Variants in SRD5A1 observed in about 807,000 individuals in gnomAD.
SRD5A1 encodes the protein steroid 5 alpha-reductase 1.
Under a neutral mutation model 28.2 loss-of-function variants are expected in SRD5A1, and 22 were observed. The ratio of observed to expected loss-of-function variants is 0.78; its 90% CI spans 0.56 to 1.12. SRD5A1 has a LOEUF of 1.12. SRD5A1 is among the 50% of genes most tolerant of loss of function. The pLI is 0.00. For synonymous variants in SRD5A1, 151 were observed against 135.0 expected (o/e 1.12, Z -0.82); for missense variants, 300 against 346.7 (o/e 0.87, Z 1.07).
intron 3 of SRD5A1, among the ~76,000 whole-genome samples, chr5:6,661,762 A>C (rs1739009521): frequency 6.6e-6 from 1 of 151,764 alleles, no homozygotes; most frequent in Non-Finnish European, 1.5e-5. Flanking sequence ...CCAACTCCTG[A>C]CCTCACATGA....
chr5:6,665,223 G>C (rs1463479321), intron 4 of SRD5A1, among the ~76,000 whole-genome samples: 1 of 152,220 alleles, frequency 6.6e-6, no homozygotes, highest in Non-Finnish European at 1.5e-5. Flanking sequence ...GGGGAAATGG[G>C]ACTGGAACCT....
chr5:6,641,677 C>T (rs1244525891), intron 1 of SRD5A1, among the ~76,000 whole-genome samples: 1 of 152,218 alleles, frequency 6.6e-6, no homozygotes, highest in African/African-American at 2.4e-5. Context: ...TTGTAAGGCT[C>T]GGTTTCCAGT....
At chr5:6,651,743 A>C (rs1043944279) in intron 1 of SRD5A1, 99 bp from the exon 2 acceptor site, 1 of 1,138,860 alleles carries the variant, frequency 8.8e-7, no homozygotes, top group African/African-American at 1.6e-5. Context: ...ACATTTGTAC[A>C]AGAAAGTAAG....
intron 1 of SRD5A1, among the ~76,000 whole-genome samples, chr5:6,651,606 G>A (rs996669497): frequency 5.9e-5 from 9 of 152,162 alleles, no homozygotes; most frequent in Non-Finnish European, 1.3e-4. Flanking sequence ...GCCGCAGTGA[G>A]CCATGATCAA....
At chr5:6,636,350 C>T (rs373169313) in intron 1 of SRD5A1, among the ~76,000 whole-genome samples, 3 of 152,228 alleles carry the variant, frequency 2.0e-5, no homozygotes, top group East Asian at 3.9e-4. Context: ...GAACACCACA[C>T]CCGGTGAGAG....
intron 4 of SRD5A1, among the ~76,000 whole-genome samples, chr5:6,665,163 C>T (rs944817813): frequency 2.0e-5 from 3 of 152,170 alleles, no homozygotes; most frequent in African/African-American, 4.8e-5. Context: ...GACACAGAGG[C>T]GGGGGCGATG....
chr5:6,651,601 A>G (rs939543558), intron 1 of SRD5A1, among the ~76,000 whole-genome samples: 4 of 152,218 alleles, frequency 2.6e-5, no homozygotes, highest in African/African-American at 9.6e-5. Context: ...TCAAGGCCGC[A>G]GTGAGCCATG....
rs950800767 is a variant in SRD5A1 at position 6,672,626 on chromosome 5, A to G, written c.*4358A>G. 2.0e-5 allele frequency: 3 copies of G among 152,166 alleles called. No homozygotes were observed. The highest frequency in any genetic ancestry group is 7.2e-5 in the African/African-American group (3 of 41,408). The allele number at this position is 152,166 out of a possible 1,614,324, so 9.4% of individuals were successfully genotyped here. A position where few individuals can be genotyped will look rare whatever the true frequency, so the allele number is the denominator to read the frequency against. On this transcript the variant is annotated 3_prime_UTR_variant, in exon 5 of 5. Coordinates refer to ENST00000274192, the MANE Select transcript of SRD5A1 (RefSeq NM_001047.4). ...GTTGGCTATCCCTGCTGTTGTCTAT[A>G]TATCAATTTTGTCTACCCAACACAG... is the stretch of plus-strand genomic sequence containing the variant.
At chr5:6,649,679 A>G (rs1738608544) in intron 1 of SRD5A1, among the ~76,000 whole-genome samples, 1 of 152,214 alleles carries the variant, frequency 6.6e-6, no homozygotes, top group African/African-American at 2.4e-5. Flanking sequence ...TCCCTTGGCT[A>G]GGAAAGGGAA....
chr5:6,644,529 T>G (rs1034014026), intron 1 of SRD5A1, among the ~76,000 whole-genome samples: 1 of 152,154 alleles, frequency 6.6e-6, no homozygotes, highest in Non-Finnish European at 1.5e-5. Flanking sequence ...CTTTGCCGCA[T>G]TGAGAATCTC....
intron 1 of SRD5A1, among the ~76,000 whole-genome samples, chr5:6,636,406 G>A (rs1161837512): frequency 6.6e-6 from 1 of 152,214 alleles, no homozygotes; most frequent in South Asian, 2.1e-4. Flanking sequence ...CAGGAGAAAA[G>A]TGAGCCTGAG....
At chr5:6,638,935 C>T (rs1738280782) in intron 1 of SRD5A1, among the ~76,000 whole-genome samples, 1 of 152,240 alleles carries the variant, frequency 6.6e-6, no homozygotes, top group African/African-American at 2.4e-5. Context: ...TAACCACTCT[C>T]AGTTTTAAAC....
chr5:6,659,854 T>C (rs191095491), intron 3 of SRD5A1, among the ~76,000 whole-genome samples: 1 of 152,288 alleles, frequency 6.6e-6, no homozygotes, highest in East Asian at 1.9e-4. Flanking sequence ...CTGTGCCCCA[T>C]GAAGACTCCA....
rs375455954 is a variant in SRD5A1 at position 6,648,738 on chromosome 5, T to C, written c.294-3104T>C. Among the ~76,000 whole-genome samples the C allele has an allele frequency of 7.0e-4, 106 of 152,340 alleles. 1 individual carries two copies. The South Asian group carries it at 0.022, about 31-fold the overall frequency. On this transcript the variant is annotated intron_variant, in intron 1 of 4. Coordinates refer to ENST00000274192, the MANE Select transcript of SRD5A1 (RefSeq NM_001047.4). ...CCTTTGGCTCAGAGGAGTTTGTTAT[T>C]ACCCGCCTTCTGAAGCCTACTTCTG...
At chr5:6,643,705 C>T (rs995220661) in intron 1 of SRD5A1, among the ~76,000 whole-genome samples, 6 of 152,352 alleles carry the variant, frequency 3.9e-5, no homozygotes, top group Non-Finnish European at 8.8e-5. Context: ...GGACACGCCT[C>T]TTTGGTTGCT....
intron 1 of SRD5A1, among the ~76,000 whole-genome samples, chr5:6,649,125 GCCAGCCAGAGCTCT>G: frequency 6.6e-6 from 1 of 152,272 alleles, no homozygotes; most frequent in African/African-American, 2.4e-5. Flanking sequence ...CCCGCCAGAT[GCCAGCCAGAGCTCT>G]CCAGTATGAG....
In SRD5A1 at chr5:6,672,109, C is replaced by A. The variant is rs1375972267; in HGVS notation, c.*3841C>A. The A allele has an allele frequency of 6.6e-6, 1 of 152,280 alleles. No individual in the cohort carries two copies. Among genetic ancestry groups the A allele is most frequent in the Non-Finnish European group, 1.5e-5 (1 of 68,102 alleles). The allele number at this position is 152,280 out of a possible 1,614,324, so 9.4% of individuals were successfully genotyped here. A position where few individuals can be genotyped will look rare whatever the true frequency, so the allele number is the denominator to read the frequency against. On this transcript the variant is annotated 3_prime_UTR_variant, in exon 5 of 5. Coordinates refer to ENST00000274192, the MANE Select transcript of SRD5A1 (RefSeq NM_001047.4). ...CCCATTTATGATCTTGGGCCAACAGCCACCAGCCTCTGTTCATGCAGTCTC... is the reference window on the plus strand; with the variant it reads ...CCCATTTATGATCTTGGGCCAACAGACACCAGCCTCTGTTCATGCAGTCTC...
intron 1 of SRD5A1, among the ~76,000 whole-genome samples, chr5:6,650,138 T>A (rs1014713901): frequency 1.6e-4 from 25 of 152,220 alleles, no homozygotes; most frequent in African/African-American, 5.3e-4. Context: ...GTTAAATTTA[T>A]TGGTATAAGG....
intron 1 of SRD5A1, among the ~76,000 whole-genome samples, chr5:6,643,596 TG>T (rs1738424564): frequency 6.6e-6 from 1 of 152,154 alleles, no homozygotes; most frequent in African/African-American, 2.4e-5. Flanking sequence ...GGTCCTGCCT[TG>T]CTTAAATAGA....
Sources: gnomAD v4.1 joint callset for allele counts (sites outside exome capture counted in the v4.1 genomes callset) on GRCh38, gnomAD v4.1.1 for gene constraint, MANE v1.5 for transcripts, NCBI Gene and HGNC (gene_info 2026-07-23, HGNC 2026-07-21) for gene names.